Variants in NCOA1 observed in about 807,000 individuals in gnomAD.
NCOA1 encodes the protein nuclear receptor coactivator 1.
Under a neutral mutation model 150.9 loss-of-function variants are expected in NCOA1, and 35 were observed. That is an observed-to-expected ratio of 0.23 (90% CI 0.18 to 0.31). The LOEUF (loss-of-function observed/expected upper bound fraction) is 0.31, where lower values mean the gene tolerates loss of function less well. Ranked by LOEUF, NCOA1 falls within the 10% of genes least tolerant of loss-of-function variation. NCOA1 has a pLI of 1.00. For missense variants in NCOA1, 1,491 were observed against 1,749.3 expected (o/e 0.85, Z 2.63); for synonymous variants, 590 against 630.0 (o/e 0.94, Z 0.95).
chr2:24,681,605 G>A (rs1335339636), intron 7 of NCOA1, among the ~76,000 whole-genome samples: 1 of 151,900 alleles, frequency 6.6e-6, no homozygotes. Context: ...TTAAAAAGCA[G>A]TTTACTTTTT....
At chr2:24,595,772 T>G (rs1373723706) in intron 3 of NCOA1, among the ~76,000 whole-genome samples, 1 of 152,144 alleles carries the variant, frequency 6.6e-6, no homozygotes, top group Admixed American at 6.6e-5. Flanking sequence ...GTTATGGAGC[T>G]CTCAACTAGG....
At chr2:24,750,261 T>C (rs1484645926) in intron 19 of NCOA1, among the ~76,000 whole-genome samples, 1 of 152,188 alleles carries the variant, frequency 6.6e-6, no homozygotes, top group African/African-American at 2.4e-5. Flanking sequence ...TCCTAAAATG[T>C]ATATGAAAAT....
chr2:24,681,191 C>A (rs1043448122), intron 7 of NCOA1, among the ~76,000 whole-genome samples: 2 of 152,046 alleles, frequency 1.3e-5, no homozygotes, highest in Admixed American at 6.6e-5. Flanking sequence ...TGGTAAAACC[C>A]CATCTCTACT....
At chr2:24,592,976 G>A (rs941478103) in intron 3 of NCOA1, among the ~76,000 whole-genome samples, 3 of 152,008 alleles carry the variant, frequency 2.0e-5, no homozygotes, top group Non-Finnish European at 4.4e-5. Context: ...TGGGCCAATG[G>A]TGAGTGATAG....
intron 3 of NCOA1, among the ~76,000 whole-genome samples, chr2:24,639,757 G>T (rs1336508810): frequency 6.6e-6 from 1 of 150,986 alleles, no homozygotes; most frequent in African/African-American, 2.4e-5. Flanking sequence ...GCATGGTGGT[G>T]GGCATCTGTA....
At chr2:24,500,197 C>T (rs975654715) in intron 1 of NCOA1, among the ~76,000 whole-genome samples, 90 of 152,172 alleles carry the variant, frequency 5.9e-4, no homozygotes, top group African/African-American at 2.1e-3. Flanking sequence ...CAACCTCCAC[C>T]TCCCAGGTTC....
At chr2:24,722,408 A>G (rs1338171375) in intron 14 of NCOA1, among the ~76,000 whole-genome samples, 2 of 152,206 alleles carry the variant, frequency 1.3e-5, no homozygotes, top group African/African-American at 2.4e-5. Context: ...ACTATCTTCA[A>G]ATCCCTATTG....
chr2:24,580,063 C>T (rs1667137359), intron 2 of NCOA1, among the ~76,000 whole-genome samples: 1 of 152,158 alleles, frequency 6.6e-6, no homozygotes, highest in Non-Finnish European at 1.5e-5. Flanking sequence ...TGTTGTGCCA[C>T]TTCTTTCATT....
chr2:24,758,252 C>A, intron 21 of NCOA1, 96 bp downstream of exon 21: 1 of 1,202,638 alleles, frequency 8.3e-7, no homozygotes. Context: ...GAAATAGCCA[C>A]ACTTCTTTAT....
chr2:24,709,718 A>T (rs950930901), intron 13 of NCOA1, among the ~76,000 whole-genome samples: 1 of 152,230 alleles, frequency 6.6e-6, no homozygotes, highest in Admixed American at 6.5e-5. Flanking sequence ...GTAACAAAAG[A>T]CATGTTCACA....
intron 17 of NCOA1, among the ~76,000 whole-genome samples, chr2:24,736,527 G>C (rs756971804): frequency 6.6e-6 from 1 of 152,140 alleles, no homozygotes; most frequent in Non-Finnish European, 1.5e-5. Flanking sequence ...GAAGTGATCA[G>C]AAAACAGAAT....
At chr2:24,673,735 G>A (rs1423583171) in intron 7 of NCOA1, among the ~76,000 whole-genome samples, 2 of 152,114 alleles carry the variant, frequency 1.3e-5, no homozygotes, top group Non-Finnish European at 2.9e-5. Context: ...TATTTCTGTG[G>A]TGGTTAGGCC....
At chr2:24,554,915 T>C (rs1666012881) in intron 1 of NCOA1, among the ~76,000 whole-genome samples, 2 of 152,304 alleles carry the variant, frequency 1.3e-5, no homozygotes, top group South Asian at 4.1e-4. Context: ...TGATGAATGT[T>C]GTACCTTGGT....
At chr2:24,556,028 G>A (rs59615345) in intron 1 of NCOA1, 22,685 of 151,884 alleles carry the variant, frequency 0.15, 2,045 homozygotes, top group Non-Finnish European at 0.2. Flanking sequence ...CAGGATACAC[G>A]TGCCAGATCT....
At chr2:24,602,862 C>A (rs1247111598) in intron 3 of NCOA1, among the ~76,000 whole-genome samples, 1 of 152,154 alleles carries the variant, frequency 6.6e-6, no homozygotes, top group African/African-American at 2.4e-5. Flanking sequence ...AAGCCTGTCT[C>A]AACTTATTCC....
Position 24,707,273 on chromosome 2 carries a change from C to T in NCOA1, c.1803C>T (p.Ser601=). 1 of 1,614,222 alleles carries T rather than the reference C, an allele frequency of 6.2e-7. No homozygotes were observed. The highest frequency in any genetic ancestry group is 8.5e-7 in the Non-Finnish European group (1 of 1,180,038). ...ATGAAATGATTCAATCTGACAACAGCTCTAGTGATGGCAAACCTCTGGATT... is the reference window on the plus strand; with the variant it reads ...ATGAAATGATTCAATCTGACAACAGTTCTAGTGATGGCAAACCTCTGGATT... The part of the protein sequence containing the change: ...ILNEMIQSDN[S]SSDGKPLDSG... Residue 601 remains serine (S), a synonymous_variant, in exon 13 of 23, where the codon AGC becomes AGT. Coordinates refer to ENST00000348332, the MANE Select transcript of NCOA1 (RefSeq NM_003743.5).
intron 16 of NCOA1, among the ~76,000 whole-genome samples, chr2:24,729,231 A>T (rs1213949266): frequency 1.3e-5 from 2 of 152,190 alleles, no homozygotes; most frequent in Non-Finnish European, 2.9e-5. Context: ...CTTTGCAATG[A>T]AGTTTTTTCC....
chr2:24,506,763 C>G (rs182165701), intron 1 of NCOA1, among the ~76,000 whole-genome samples: 1 of 152,018 alleles, frequency 6.6e-6, no homozygotes, highest in Non-Finnish European at 1.5e-5. Flanking sequence ...TTAAAAAAAC[C>G]TAGAAACAGC....
At chr2:24,492,082 A>G (rs1480088858) in intron 1 of NCOA1, 1 of 151,938 alleles carries the variant, frequency 6.6e-6, no homozygotes, top group Non-Finnish European at 1.5e-5. Context: ...GGGACCGCGA[A>G]ATGGGGGCGA....
Sources: allele counts gnomAD v4.1 joint callset (sites outside exome capture counted in the v4.1 genomes callset), GRCh38; gene constraint gnomAD v4.1.1; transcripts MANE v1.5; gene names NCBI Gene and HGNC (gene_info 2026-07-23, HGNC 2026-07-21).